The following BLTP3B variants were observed in gnomAD, a reference collection of about 807,000 sequenced individuals.
The protein encoded by BLTP3B is bridge-like lipid transfer protein family member 3B.
At chr12:100,093,246 A>C in the BLTP3B span, among the ~76,000 whole-genome samples, 1 of 152,210 alleles carries the variant, frequency 6.6e-6, no homozygotes, top group Non-Finnish European at 1.5e-5. Context: ...TGGTAGAATA[A>C]TACAGAGTTT....
the BLTP3B span, among the ~76,000 whole-genome samples, chr12:100,098,931 T>TAGATAGATAGATAGATAGATAGAC: frequency 2.2e-3 from 335 of 151,598 alleles, 2 homozygotes; most frequent in African/African-American, 4.0e-3. Context: ...GATAGATAGA[T>TAGATAGATAGATAGATAGATAGAC]AGACAGACAG....
chr12:100,083,174 T>C, the BLTP3B span: 3 of 1,433,822 alleles, frequency 2.1e-6, no homozygotes, highest in Non-Finnish European at 2.9e-6. Flanking sequence ...ATTGCAAAAT[T>C]ATTTTTAACA....
chr12:100,065,220 C>T, the BLTP3B span, among the ~76,000 whole-genome samples: 1 of 151,934 alleles, frequency 6.6e-6, no homozygotes, highest in Admixed American at 6.6e-5. Context: ...TGTATATCAC[C>T]TCAGGTCCAC....
At chr12:100,123,227 C>T in the BLTP3B span, among the ~76,000 whole-genome samples, 3 of 152,120 alleles carry the variant, frequency 2.0e-5, no homozygotes, top group African/African-American at 7.2e-5. Context: ...TGGCAGACAC[C>T]AATCTGGGTG....
the BLTP3B span, chr12:100,097,500 C>T: frequency 1.2e-6 from 2 of 1,609,444 alleles, no homozygotes; most frequent in South Asian, 2.2e-5. Flanking sequence ...CTTTAAAAGT[C>T]AAAACCTAAG....
the BLTP3B span, chr12:100,128,772 G>C: frequency 3.2e-6 from 4 of 1,237,786 alleles, no homozygotes; most frequent in Non-Finnish European, 4.2e-6. Flanking sequence ...GCAAGTTTAA[G>C]GGAAGGAAGA....
the BLTP3B span, among the ~76,000 whole-genome samples, chr12:100,135,566 C>A: frequency 6.6e-6 from 1 of 152,072 alleles, no homozygotes; most frequent in Non-Finnish European, 1.5e-5. Flanking sequence ...CACACCCGGC[C>A]TCAAATATTG....
chr12:100,088,427 C>G, the BLTP3B span, among the ~76,000 whole-genome samples: 7 of 152,084 alleles, frequency 4.6e-5, no homozygotes, highest in Non-Finnish European at 8.8e-5. Context: ...GCTTCCTAAT[C>G]AAATTTTGGA....
chr12:100,124,329 A>G, the BLTP3B span, among the ~76,000 whole-genome samples: 1 of 152,126 alleles, frequency 6.6e-6, no homozygotes, highest in African/African-American at 2.4e-5. Context: ...TAGGCAGGGC[A>G]CAGTGGCTCA....
At chr12:100,043,240 G>A in the BLTP3B span, among the ~76,000 whole-genome samples, 72 of 152,284 alleles carry the variant, frequency 4.7e-4, no homozygotes, top group African/African-American at 1.7e-3. Context: ...TGGTGGTCTG[G>A]AACCCAATCA....
At chr12:100,092,816 T>C in the BLTP3B span, 1 of 801,998 alleles carries the variant, frequency 1.2e-6, no homozygotes, top group South Asian at 5.7e-5. Flanking sequence ...AACAGAATAG[T>C]ATTTATGTCT....
chr12:100,041,429 C>CTTTTTTTTT, the BLTP3B span, among the ~76,000 whole-genome samples: 3 of 101,812 alleles, frequency 2.9e-5, 1 homozygote, highest in African/African-American at 9.4e-5. Flanking sequence ...GCTATTGTTA[C>CTTTTTTTTT]TTTTTTTTTT....
the BLTP3B span, chr12:100,058,320 T>C: frequency 1.9e-6 from 3 of 1,613,918 alleles, no homozygotes; most frequent in Admixed American, 1.7e-5. Context: ...TGAGCCACTT[T>C]TGTAAACAAG....
At chr12:100,108,470 C>A in the BLTP3B span, 2 of 1,613,496 alleles carry the variant, frequency 1.2e-6, no homozygotes, top group African/African-American at 2.7e-5. Context: ...CTTCTTCATC[C>A]AACTCCAAAT....
chr12:100,054,562 A>C, the BLTP3B span, among the ~76,000 whole-genome samples: 28 of 152,274 alleles, frequency 1.8e-4, no homozygotes, highest in Admixed American at 3.3e-4. Flanking sequence ...TAGGACAAAA[A>C]TCCTCTATTA....
the BLTP3B span, among the ~76,000 whole-genome samples, chr12:100,104,203 T>C: frequency 2.0e-5 from 3 of 149,396 alleles, no homozygotes; most frequent in Admixed American, 6.6e-5. Context: ...GTTCTTTTTT[T>C]CTTTTTTTTT....
At chr12:100,059,070 T>G in the BLTP3B span, 27 of 1,614,002 alleles carry the variant, frequency 1.7e-5, no homozygotes, top group Non-Finnish European at 2.2e-5. Flanking sequence ...TTTTTGTGAC[T>G]CTGCATATCT....
chr12:100,080,349 CTTTTT>C, the BLTP3B span, among the ~76,000 whole-genome samples: 2 of 141,206 alleles, frequency 1.4e-5, no homozygotes, highest in South Asian at 2.3e-4. Context: ...GAACCCATCT[CTTTTT>C]TTTTTTTTTT....
chr12:100,076,280 T>G, the BLTP3B span, among the ~76,000 whole-genome samples: 1 of 151,246 alleles, frequency 6.6e-6, no homozygotes. Context: ...CCCAGAGATG[T>G]TTTTTTTTCC....
Sources: allele counts gnomAD v4.1 joint callset (sites outside exome capture counted in the v4.1 genomes callset), GRCh38; gene constraint gnomAD v4.1.1; transcripts MANE v1.5; gene names NCBI Gene and HGNC (gene_info 2026-07-23, HGNC 2026-07-21).